Variants in MACROD2 observed in about 807,000 individuals in gnomAD.
MACROD2 encodes the protein mono-ADP ribosylhydrolase 2, also known as ADP-ribose glycohydrolase MACROD2.
Under a neutral mutation model 70.4 loss-of-function variants are expected in MACROD2, and 36 were observed. That is an observed-to-expected ratio of 0.51 (90% CI 0.39 to 0.68). MACROD2 has a LOEUF of 0.68. MACROD2 is among the 30% of genes least tolerant of loss of function. The probability of loss-of-function intolerance (pLI) is 0.00; values close to 1 mark genes in which losing one functional copy is unlikely to be tolerated. For synonymous variants in MACROD2, 172 were observed against 178.8 expected, an observed-to-expected ratio of 0.96 and a Z score of 0.30; for missense variants, 496 against 538.4, an observed-to-expected ratio of 0.92 and a Z score of 0.78.
At chr20:15,519,880 C>G (rs768539630) in intron 8 of MACROD2, among the ~76,000 whole-genome samples, 4 of 152,136 alleles carry the variant, frequency 2.6e-5, no homozygotes, top group Non-Finnish European at 5.9e-5. Context: ...AGGTTGCTCT[C>G]CCCAACAGTT....
At chr20:14,717,236 A>G (rs2123675534) in intron 5 of MACROD2, among the ~76,000 whole-genome samples, 1 of 152,270 alleles carries the variant, frequency 6.6e-6, no homozygotes, top group Admixed American at 6.5e-5. Flanking sequence ...CTATATTTGG[A>G]AGTTTACAGT....
At chr20:15,571,489 T>A (rs1439189640) in intron 8 of MACROD2, among the ~76,000 whole-genome samples, 1 of 152,054 alleles carries the variant, frequency 6.6e-6, no homozygotes, top group Non-Finnish European at 1.5e-5. Context: ...ATTACAAATA[T>A]CTAGTTTTAT....
In MACROD2 at chr20:14,559,591, T is replaced by C. The variant is rs920804492; in HGVS notation, c.301+66083T>C. On this transcript the variant is annotated intron_variant, in intron 4 of 17. Coordinates refer to ENST00000684519, the MANE Select transcript of MACROD2 (RefSeq NM_001351661.2). ...GTCAGCACGTTTACACTTTTCTACT[T>C]GTTCTCCCTCTACTTTCTGTTTTTA... Among the ~76,000 whole-genome samples, 7 of 151,966 alleles carry C rather than the reference T, an allele frequency of 4.6e-5. No homozygotes were observed. In the South Asian group the frequency reaches 1.0e-3, roughly 22 times the overall value.
At chr20:15,315,828 T>G (rs2077803391) in intron 6 of MACROD2, among the ~76,000 whole-genome samples, 1 of 152,214 alleles carries the variant, frequency 6.6e-6, no homozygotes, top group African/African-American at 2.4e-5. Context: ...TCTTTTGATT[T>G]CTTATATGAT....
At chr20:14,904,372 T>C (rs2073933816) in intron 5 of MACROD2, among the ~76,000 whole-genome samples, 1 of 152,192 alleles carries the variant, frequency 6.6e-6, no homozygotes, top group Non-Finnish European at 1.5e-5. Flanking sequence ...ATAAAATATC[T>C]TTTATGATAG....
chr20:14,632,452 C>A (rs1984567508), intron 4 of MACROD2, among the ~76,000 whole-genome samples: 1 of 152,128 alleles, frequency 6.6e-6, no homozygotes, highest in African/African-American at 2.4e-5. Context: ...ATTCATGCAG[C>A]AAACATAATA....
intron 5 of MACROD2, among the ~76,000 whole-genome samples, chr20:15,170,665 A>T (rs905028375): frequency 1.3e-5 from 2 of 152,154 alleles, no homozygotes; most frequent in African/African-American, 4.8e-5. Flanking sequence ...ACTCTGGCCA[A>T]CTCAAACCAG....
At chr20:14,243,615 T>G (rs1473837894) in intron 3 of MACROD2, among the ~76,000 whole-genome samples, 1 of 152,182 alleles carries the variant, frequency 6.6e-6, no homozygotes, top group African/African-American at 2.4e-5. Context: ...ATTTCTGACA[T>G]TGGGTAAATT....
intron 5 of MACROD2, among the ~76,000 whole-genome samples, chr20:14,776,186 C>G (rs2072232176): frequency 6.6e-6 from 1 of 151,940 alleles, no homozygotes; most frequent in Admixed American, 6.6e-5. Flanking sequence ...CCCTCTCATA[C>G]AGCATAGGGA....
intron 5 of MACROD2, among the ~76,000 whole-genome samples, chr20:14,820,707 C>T (rs6042938): frequency 0.26 from 39,601 of 151,734 alleles, 5,662 homozygotes; most frequent in African/African-American, 0.35. Context: ...AATAGATTTC[C>T]GTTACATTCT....
chr20:14,658,046 T>C (rs1279746490), intron 4 of MACROD2, among the ~76,000 whole-genome samples: 1 of 152,130 alleles, frequency 6.6e-6, no homozygotes, highest in Non-Finnish European at 1.5e-5. Flanking sequence ...GTAACTGCAT[T>C]GCAGTTAAGC....
chr20:15,929,459 C>T (rs1178177423), intron 10 of MACROD2, among the ~76,000 whole-genome samples: 5 of 152,054 alleles, frequency 3.3e-5, no homozygotes, highest in African/African-American at 1.2e-4. Flanking sequence ...CATATACACA[C>T]AATCTTATTA....
chr20:15,369,533 G>A (rs1431485795), intron 6 of MACROD2, among the ~76,000 whole-genome samples: 2 of 152,112 alleles, frequency 1.3e-5, no homozygotes, highest in African/African-American at 4.8e-5. Flanking sequence ...TTTTATATTT[G>A]CATCTCTTAC....
chr20:15,967,767 C>T (rs538048848), intron 13 of MACROD2, 137 bp downstream of exon 13: 2 of 610,632 alleles, frequency 3.3e-6, no homozygotes, highest in Middle Eastern at 4.0e-4. Context: ...CACTGAATAC[C>T]AGTTGATCAG....
intron 3 of MACROD2, among the ~76,000 whole-genome samples, chr20:14,185,915 G>T (rs1469115613): frequency 6.6e-6 from 1 of 152,178 alleles, no homozygotes; most frequent in East Asian, 1.9e-4. Context: ...TTTCAAATCT[G>T]CAGGTATTTT....
chr20:14,442,887 T>C (rs1479718500), intron 3 of MACROD2, among the ~76,000 whole-genome samples: 1 of 151,928 alleles, frequency 6.6e-6, no homozygotes, highest in Admixed American at 6.6e-5. Flanking sequence ...CCATCCTGGC[T>C]AACACTGTGA....
intron 5 of MACROD2, among the ~76,000 whole-genome samples, chr20:15,087,303 C>A (rs1486871317): frequency 1.3e-5 from 2 of 151,796 alleles, no homozygotes; most frequent in Non-Finnish European, 2.9e-5. Context: ...TTTGCCTTAC[C>A]AAATATTAAA....
intron 8 of MACROD2, among the ~76,000 whole-genome samples, chr20:15,852,132 C>G (rs1174396563): frequency 6.6e-6 from 1 of 152,132 alleles, no homozygotes; most frequent in Non-Finnish European, 1.5e-5. Flanking sequence ...GCTTCAAGGA[C>G]CACGACAGAT....
intron 3 of MACROD2, among the ~76,000 whole-genome samples, chr20:14,259,349 C>T (rs940620429): frequency 6.6e-6 from 1 of 152,124 alleles, no homozygotes; most frequent in African/African-American, 2.4e-5. Context: ...ACAAATAGTT[C>T]TTTCCTTTTA....
Sources: gnomAD v4.1 joint callset for allele counts (sites outside exome capture counted in the v4.1 genomes callset) on GRCh38, gnomAD v4.1.1 for gene constraint, MANE v1.5 for transcripts, NCBI Gene and HGNC (gene_info 2026-07-23, HGNC 2026-07-21) for gene names.